PPTC7: variants seen among roughly 807,000 people sequenced by gnomAD.
The protein encoded by PPTC7 is protein phosphatase targeting COQ7.
In PPTC7, 6 loss-of-function variants were observed where a neutral mutation model predicts 30.8. That is an observed-to-expected ratio of 0.19 (90% CI 0.11 to 0.38). The LOEUF is 0.38. PPTC7 is among the 10% of genes least tolerant of loss of function. The pLI is 1.00. For synonymous variants in PPTC7, 163 were observed against 168.1 expected (o/e 0.97, Z 0.23); for missense variants, 218 against 404.8 (o/e 0.54, Z 3.96).
chr12:110,551,682 T>G, intron 2 of PPTC7, 107 bp downstream of exon 2: 1 of 1,025,378 alleles, frequency 9.8e-7, no homozygotes, highest in South Asian at 1.5e-5. Context: ...CTCTGCTTAG[T>G]AGGAAGAGCC....
intron 1 of PPTC7, among the ~76,000 whole-genome samples, chr12:110,562,424 T>C (rs947573979): frequency 7.2e-5 from 11 of 152,090 alleles, no homozygotes; most frequent in South Asian, 2.1e-4. Flanking sequence ...AACAGTCCTT[T>C]CAGTTCTATG....
rs1158167275 is a variant in PPTC7 at position 110,536,259 on chromosome 12, T to C, written c.*778A>G. 6.6e-6 allele frequency: 1 copy of C among 152,206 alleles called. No individual in the cohort carries two copies. Among genetic ancestry groups the C allele is most frequent in the Non-Finnish European group, 1.5e-5 (1 of 68,044 alleles). The allele number at this position is 152,206 out of a possible 1,614,324, so 9.4% of individuals were successfully genotyped here. A position where few individuals can be genotyped will look rare whatever the true frequency, so the allele number is the denominator to read the frequency against. On this transcript the variant is annotated 3_prime_UTR_variant, in exon 6 of 6. Coordinates refer to ENST00000354300, the MANE Select transcript of PPTC7 (RefSeq NM_139283.2). The stretch of plus-strand genomic sequence containing the variant: ...TTGAGGGGTTTTACAACCTTGAGTA[T>C]TATTTCCATAAAAAAATACTGGTAA...
chr12:110,564,565 T>C (rs887125163), intron 1 of PPTC7, among the ~76,000 whole-genome samples: 11 of 152,136 alleles, frequency 7.2e-5, no homozygotes, highest in Admixed American at 2.0e-4. Context: ...ATTTACCCAC[T>C]GCTTTCTTCA....
At chr12:110,546,398 A>G (rs2064306256) in intron 2 of PPTC7, 2 of 282,914 alleles carry the variant, frequency 7.1e-6, no homozygotes, top group East Asian at 7.5e-5. Flanking sequence ...CAGTGCTGTC[A>G]TCTATGCCAA....
intron 2 of PPTC7, 79 bp downstream of exon 2, chr12:110,551,710 C>T (rs900965394): frequency 2.6e-5 from 35 of 1,322,512 alleles, no homozygotes; most frequent in African/African-American, 7.4e-5. Flanking sequence ...AAAGCTGGTC[C>T]GATAAATGAT....
chr12:110,564,218 C>T (rs1420721020), intron 1 of PPTC7, among the ~76,000 whole-genome samples: 1 of 152,174 alleles, frequency 6.6e-6, no homozygotes, highest in Admixed American at 6.5e-5. Context: ...AGGCAACAAA[C>T]AAATCATCTG....
intron 5 of PPTC7, among the ~76,000 whole-genome samples, chr12:110,537,398 A>C (rs1323847277): frequency 2.0e-5 from 3 of 152,210 alleles, no homozygotes; most frequent in African/African-American, 7.2e-5. Context: ...TCTGACGAGA[A>C]AGTTACATGC....
At position 110,570,712 on chromosome 12, in the gene PPTC7, C is replaced by T. The variant is rs549434706; in HGVS notation, c.223+12097G>A. ...ATATCTAAAAGCACAGCACTTAATC[C>T]TTTACATTGTCTATGATGCCAAGAC... is the stretch of plus-strand genomic sequence containing the variant. On this transcript the variant is annotated intron_variant, in intron 1 of 5. Transcript: ENST00000354300. Among the ~76,000 whole-genome samples the T allele has an allele frequency of 1.0e-4, 14 of 135,630 alleles. No homozygotes were observed. In the South Asian group the frequency reaches 2.3e-3, roughly 23 times the overall value. 89.0% of individuals were successfully genotyped at this position (135,630 alleles called of 152,430 possible).
chr12:110,538,910 G>A (rs1296449998), intron 4 of PPTC7, among the ~76,000 whole-genome samples: 1 of 152,100 alleles, frequency 6.6e-6, no homozygotes, highest in Non-Finnish European at 1.5e-5. Context: ...CCCTTATCCA[G>A]CTTTGTTTTT....
chr12:110,546,178 A>C (rs1318770520), intron 2 of PPTC7, 100 bp from the exon 3 acceptor site: 3 of 931,668 alleles, frequency 3.2e-6, no homozygotes, highest in Non-Finnish European at 5.0e-6. Context: ...CATAATTTCA[A>C]TCTCCTTTGC....
intron 1 of PPTC7, among the ~76,000 whole-genome samples, chr12:110,580,361 C>T (rs756069392): frequency 4.6e-5 from 7 of 152,064 alleles, no homozygotes; most frequent in South Asian, 2.1e-4. Flanking sequence ...TTTTTTGAGA[C>T]GGAGTCTTGC....
At position 110,582,933 on chromosome 12, in the gene PPTC7, G is replaced by T. The variant is rs917051095; in HGVS notation, c.99C>A (p.Asp33Glu). The T allele has an allele frequency of 3.2e-6, 5 of 1,546,728 alleles. No individual in the cohort carries two copies. Among genetic ancestry groups the T allele is most frequent in the Non-Finnish European group, 4.4e-6 (5 of 1,145,782 alleles). Residue 33 changes from aspartate to glutamate, a missense_variant, in exon 1 of 6, where the codon GAC (aspartate) becomes GAA (glutamate). Physicochemically the swap from Asp to Glu is conservative, Grantham distance 45. Transcript: ENST00000354300. ...DPRAGGGGGGDYGLVTAGCGF... is the reference protein window; with the variant it reads ...DPRAGGGGGGEYGLVTAGCGF... ...CGCAGCCGGCCGTCACCAGTCCGTAGTCGCCGCCGCCGCCGCCGCCGGCCC... is the reference window on the plus strand; with the variant it reads ...CGCAGCCGGCCGTCACCAGTCCGTATTCGCCGCCGCCGCCGCCGCCGGCCC...
At chr12:110,556,043 G>T (rs1281548341) in intron 1 of PPTC7, among the ~76,000 whole-genome samples, 1 of 152,164 alleles carries the variant, frequency 6.6e-6, no homozygotes, top group Non-Finnish European at 1.5e-5. Flanking sequence ...ATCTGCAAAT[G>T]CTCTTCACAA....
intron 1 of PPTC7, among the ~76,000 whole-genome samples, chr12:110,552,497 C>A (rs1468520784): frequency 1.3e-5 from 2 of 152,180 alleles, no homozygotes; most frequent in Non-Finnish European, 2.9e-5. Flanking sequence ...CTGTACAATA[C>A]AACAGCCATT....
At chr12:110,561,158 G>A (rs1225631607) in intron 1 of PPTC7, among the ~76,000 whole-genome samples, 3 of 152,084 alleles carry the variant, frequency 2.0e-5, no homozygotes. Flanking sequence ...AGATGCTGAG[G>A]CTTTTCAAAG....
At chr12:110,564,138 C>T (rs959718665) in intron 1 of PPTC7, among the ~76,000 whole-genome samples, 7 of 152,214 alleles carry the variant, frequency 4.6e-5, no homozygotes, top group Admixed American at 3.3e-4. Flanking sequence ...GGTCACTTCA[C>T]TCCTTTCTGG....
At chr12:110,542,869 T>C (rs957512358) in intron 3 of PPTC7, among the ~76,000 whole-genome samples, 31 of 150,768 alleles carry the variant, frequency 2.1e-4, no homozygotes, top group Non-Finnish European at 4.1e-4. Flanking sequence ...AAAACAGACA[T>C]AAAAATGGGG....
intron 1 of PPTC7, among the ~76,000 whole-genome samples, chr12:110,569,685 A>G (rs1241074956): frequency 6.6e-6 from 1 of 152,220 alleles, no homozygotes; most frequent in Non-Finnish European, 1.5e-5. Context: ...CAAAACAAAT[A>G]GGGCTATACT....
chr12:110,554,324 C>A (rs1294215569), intron 1 of PPTC7, among the ~76,000 whole-genome samples: 1 of 152,104 alleles, frequency 6.6e-6, no homozygotes, highest in African/African-American at 2.4e-5. Context: ...CGGGGTCATG[C>A]CACCACACCC....
Sources: gnomAD v4.1 joint callset for allele counts (sites outside exome capture counted in the v4.1 genomes callset) on GRCh38, gnomAD v4.1.1 for gene constraint, MANE v1.5 for transcripts, NCBI Gene and HGNC (gene_info 2026-07-23, HGNC 2026-07-21) for gene names.